The following DCDC2 variants were observed in gnomAD, a reference collection of about 807,000 sequenced individuals.
DCDC2 encodes doublecortin domain-containing protein 2.
Under a neutral mutation model 50.2 loss-of-function variants are expected in DCDC2, and 40 were observed. The observed-to-expected ratio is 0.80, with a 90% confidence interval of 0.62 to 1.04. DCDC2 has a LOEUF of 1.04. Among genes scored for constraint, DCDC2 ranks in the 50% least tolerant of loss-of-function variants. The pLI, the probability that DCDC2 is intolerant of heterozygous loss-of-function variation, is 0.00. For synonymous variants in DCDC2, 234 were observed against 210.6 expected (o/e 1.11, Z -0.96); for missense variants, 570 against 581.9 (o/e 0.98, Z 0.21).
intron 2 of DCDC2, among the ~76,000 whole-genome samples, chr6:24,350,614 C>T (rs371648324): frequency 5.2e-4 from 79 of 152,150 alleles, no homozygotes; most frequent in African/African-American, 1.9e-3. Flanking sequence ...TTTTACTCAT[C>T]CCTCATAATG....
intron 2 of DCDC2, among the ~76,000 whole-genome samples, chr6:24,338,455 T>C (rs1760096926): frequency 6.6e-6 from 1 of 152,166 alleles, no homozygotes; most frequent in South Asian, 2.1e-4. Flanking sequence ...TCTTTCTTCA[T>C]TACCCCACAT....
At chr6:24,343,038 C>CTTGGTAAA (rs1448099824) in intron 2 of DCDC2, among the ~76,000 whole-genome samples, 1 of 147,004 alleles carries the variant, frequency 6.8e-6, no homozygotes, top group Non-Finnish European at 1.5e-5. Flanking sequence ...CTGCCTGGCT[C>CTTGGTAAA]TTGGTAAATA....
At chr6:24,353,456 C>T (rs1760408580) in intron 2 of DCDC2, 113 bp downstream of exon 2, 1 of 685,712 alleles carries the variant, frequency 1.5e-6, no homozygotes, top group Admixed American at 2.4e-5. Flanking sequence ...TGTTCCATTT[C>T]TTTACATTAG....
At chr6:24,308,806 G>A (rs886712181) in intron 2 of DCDC2, among the ~76,000 whole-genome samples, 6 of 152,074 alleles carry the variant, frequency 3.9e-5, no homozygotes, top group South Asian at 2.1e-4. Flanking sequence ...CATTCCATGC[G>A]CTTTAGCAAA....
Position 24,174,672 on chromosome 6 carries a change from C to G in DCDC2, c.*58G>C, listed in dbSNP as rs2113735138. The G allele has an allele frequency of 8.4e-7, 1 of 1,192,210 alleles. No individual in the cohort carries two copies. The highest frequency in any genetic ancestry group is 1.5e-5 in the African/African-American group (1 of 66,606). The allele number at this position is 1,192,210 out of a possible 1,614,324, so 73.9% of individuals were successfully genotyped here. ...CAGCAATAACTATGTGCTTATCTTT[C>G]AAGTATGATAACCCTTCATTTTTCT... is the stretch of plus-strand genomic sequence containing the variant. On this transcript the variant is annotated 3_prime_UTR_variant, in exon 10 of 10. Coordinates refer to ENST00000378454, the MANE Select transcript of DCDC2 (RefSeq NM_016356.5).
intron 6 of DCDC2, among the ~76,000 whole-genome samples, chr6:24,281,237 AT>A (rs1286343789): frequency 6.6e-6 from 1 of 152,216 alleles, no homozygotes; most frequent in East Asian, 1.9e-4. Flanking sequence ...CATGCATTCA[AT>A]TATTGAGTAA....
chr6:24,307,144 T>A (rs1320062505), intron 2 of DCDC2, among the ~76,000 whole-genome samples: 1 of 152,094 alleles, frequency 6.6e-6, no homozygotes, highest in Non-Finnish European at 1.5e-5. Context: ...ATTAATAAAG[T>A]GGAAATATCA....
Position 24,198,309 on chromosome 6 carries a change from A to T in DCDC2, c.1023+6693T>A, listed in dbSNP as rs1162398797. On this transcript the variant is annotated intron_variant, in intron 8 of 9. Coordinates refer to ENST00000378454, the MANE Select transcript of DCDC2 (RefSeq NM_016356.5). Reference sequence around the variant, plus strand: ...CATTCCCAACTGAGGTACCCGGCTCATCTCATTGGGACTGGTTAGACAGTG... The same window carrying T: ...CATTCCCAACTGAGGTACCCGGCTCTTCTCATTGGGACTGGTTAGACAGTG... Among the ~76,000 whole-genome samples, 3 of 152,322 alleles carry T rather than the reference A, an allele frequency of 2.0e-5. No homozygotes were observed. The East Asian group carries it at 5.8e-4, about 29-fold the overall frequency.
In DCDC2 at chr6:24,275,383, T is replaced by C. The variant is rs529781769; in HGVS notation, c.922+2666A>G. ...TAATATGCTTAAAGTTATCAAGTGA[T>C]GGTTTAATCTAGTGAACTGCACAAA... On this transcript the variant is annotated intron_variant, in intron 7 of 9. Coordinates refer to ENST00000378454, the MANE Select transcript of DCDC2 (RefSeq NM_016356.5). Among the ~76,000 whole-genome samples, 16 of 152,342 alleles carry C rather than the reference T, an allele frequency of 1.1e-4. No individual in the cohort carries two copies. In the South Asian group the frequency reaches 2.3e-3, roughly 22 times the overall value.
At chr6:24,344,683 T>C (rs1033511849) in intron 2 of DCDC2, among the ~76,000 whole-genome samples, 2 of 152,214 alleles carry the variant, frequency 1.3e-5, no homozygotes, top group Non-Finnish European at 2.9e-5. Flanking sequence ...CTGTCTTTCT[T>C]AGTCTTGTTC....
rs555640542 is a variant in DCDC2 at position 24,267,219 on chromosome 6, T to G, written c.922+10830A>C. 2.4e-4 allele frequency among the ~76,000 whole-genome samples: 37 copies of G among 152,198 alleles called. 1 individual carries two copies. The highest frequency in any genetic ancestry group is 6.2e-4 in the South Asian group (3 of 4,824). ...GGTACAAAAATATAGTTAGATACAA[T>G]GAATAAGAGCTTTTGTTTGTCAACA... On this transcript the variant is annotated intron_variant, in intron 7 of 9. Transcript: ENST00000378454.
intron 5 of DCDC2, among the ~76,000 whole-genome samples, chr6:24,289,495 TA>T (rs913728729): frequency 2.0e-5 from 3 of 152,210 alleles, no homozygotes; most frequent in South Asian, 4.2e-4. Flanking sequence ...GACACATATA[TA>T]AAAAAAATTC....
intron 2 of DCDC2, 157 bp downstream of exon 2, chr6:24,353,412 A>G (rs1185699290): frequency 3.0e-6 from 2 of 656,368 alleles, no homozygotes; most frequent in African/African-American, 3.6e-5. Flanking sequence ...ACAATGATTC[A>G]AAGAAAGAAT....
chr6:24,214,751 C>A (rs1761939813), intron 7 of DCDC2, among the ~76,000 whole-genome samples: 1 of 152,190 alleles, frequency 6.6e-6, no homozygotes, highest in Non-Finnish European at 1.5e-5. Context: ...TTGACAATTT[C>A]TCTTCTTAAT....
chr6:24,255,194 A>C (rs986823894), intron 7 of DCDC2, among the ~76,000 whole-genome samples: 14 of 152,160 alleles, frequency 9.2e-5, no homozygotes, highest in African/African-American at 3.4e-4. Context: ...GACGAAGGTG[A>C]CACCACAATG....
At position 24,336,717 on chromosome 6, in the gene DCDC2, CT is replaced by C. The variant is rs1016685680; in HGVS notation, c.348+16851del. ...CCAATATAATGTCAGTGATCCCTGC[CT>C]TTTTTTTTTATTTTTTTTTCCAAAT... On this transcript the variant is annotated intron_variant, in intron 2 of 9. Coordinates refer to ENST00000378454, the MANE Select transcript of DCDC2 (RefSeq NM_016356.5). Among the ~76,000 whole-genome samples the C allele has an allele frequency of 4.0e-4, 60 of 148,270 alleles. 1 individual carries two copies. Among genetic ancestry groups the C allele is most frequent in the South Asian group, 3.9e-3 (18 of 4,674 alleles).
intron 6 of DCDC2, among the ~76,000 whole-genome samples, chr6:24,281,117 G>A (rs959409426): frequency 7.9e-5 from 12 of 152,020 alleles, no homozygotes; most frequent in East Asian, 3.9e-4. Flanking sequence ...GGAAAGTTCC[G>A]ATTTATCAAA....
At chr6:24,349,547 A>G (rs1456779064) in intron 2 of DCDC2, among the ~76,000 whole-genome samples, 1 of 152,192 alleles carries the variant, frequency 6.6e-6, no homozygotes, top group Non-Finnish European at 1.5e-5. Context: ...GAGGACTCCC[A>G]CAGGCTGCTT....
intron 7 of DCDC2, among the ~76,000 whole-genome samples, chr6:24,227,312 A>G (rs1007081476): frequency 1.3e-5 from 2 of 152,228 alleles, no homozygotes; most frequent in Non-Finnish European, 2.9e-5. Context: ...AAGTCTTCCC[A>G]GGGAATTTGT....
Sources: gnomAD v4.1 joint callset for allele counts (sites outside exome capture counted in the v4.1 genomes callset) on GRCh38, gnomAD v4.1.1 for gene constraint, MANE v1.5 for transcripts, NCBI Gene and HGNC (gene_info 2026-07-23, HGNC 2026-07-21) for gene names.